SYT16: variants seen among roughly 807,000 people sequenced by gnomAD.
SYT16 encodes synaptotagmin 16, also known as synaptotagmin-16.
SYT16 carries 42 observed loss-of-function variants against 61.4 expected under a neutral mutation model. That is an observed-to-expected ratio of 0.68 (90% CI 0.53 to 0.89). SYT16 has a LOEUF of 0.89. SYT16 is among the 40% of genes least tolerant of loss of function. The probability of loss-of-function intolerance (pLI) is 0.00; values close to 1 mark genes in which losing one functional copy is unlikely to be tolerated. For synonymous variants in SYT16, 314 were observed against 302.3 expected (o/e 1.04, Z -0.40); for missense variants, 804 against 807.3 (o/e 1.00, Z 0.05).
intron 2 of SYT16, among the ~76,000 whole-genome samples, chr14:61,993,239 A>T (rs2052628905): frequency 6.6e-6 from 1 of 151,752 alleles, no homozygotes; most frequent in African/African-American, 2.4e-5. Context: ...CAGGAAGGGG[A>T]ACATCACACA....
intron 1 of SYT16, among the ~76,000 whole-genome samples, chr14:61,935,736 A>G (rs573309753): frequency 6.6e-6 from 1 of 152,138 alleles, no homozygotes; most frequent in Non-Finnish European, 1.5e-5. Context: ...AGTTAGAAGG[A>G]TGTTTCTGGT....
intron 3 of SYT16, among the ~76,000 whole-genome samples, chr14:62,004,784 A>C (rs1384984320): frequency 6.6e-6 from 1 of 152,182 alleles, no homozygotes; most frequent in African/African-American, 2.4e-5. Context: ...TTGACCCTTG[A>C]AGAGGTGCTC....
chr14:61,829,856 G>A (rs1176508005), intron 1 of SYT16, among the ~76,000 whole-genome samples: 2 of 151,916 alleles, frequency 1.3e-5, no homozygotes, highest in Admixed American at 6.6e-5. Context: ...GGGTTTCACC[G>A]TGTTAGCCAG....
intron 1 of SYT16, among the ~76,000 whole-genome samples, chr14:61,942,163 G>A (rs2050236543): frequency 6.6e-6 from 1 of 152,194 alleles, no homozygotes; most frequent in African/African-American, 2.4e-5. Flanking sequence ...CAAGTTGTTG[G>A]AGTGATTCTT....
chr14:61,837,124 A>C (rs72716760), intron 1 of SYT16, among the ~76,000 whole-genome samples: 16,759 of 152,090 alleles, frequency 0.11, 948 homozygotes, highest in African/African-American at 0.13. Flanking sequence ...GGGGTTTCAA[A>C]TGATACCTCT....
intron 3 of SYT16, among the ~76,000 whole-genome samples, chr14:62,029,793 G>A (rs2054245129): frequency 6.6e-6 from 1 of 150,868 alleles, no homozygotes; most frequent in East Asian, 1.9e-4. Flanking sequence ...AAAAAAAAAA[G>A]TAGTAGGAGG....
intron 7 of SYT16, among the ~76,000 whole-genome samples, chr14:62,094,241 G>A (rs546975307): frequency 6.6e-6 from 1 of 152,120 alleles, no homozygotes; most frequent in African/African-American, 2.4e-5. Context: ...CTGGGCCTTT[G>A]TGGCTCAAAG....
At chr14:62,077,770 C>T (rs2056548156) in intron 5 of SYT16, 1 of 152,174 alleles carries the variant, frequency 6.6e-6, no homozygotes, top group Non-Finnish European at 1.5e-5. Context: ...CTACAAAGCC[C>T]AGTTTTCATG....
intron 1 of SYT16, among the ~76,000 whole-genome samples, chr14:61,818,672 T>G: frequency 7.0e-6 from 1 of 142,718 alleles, no homozygotes; most frequent in Admixed American, 7.0e-5. Context: ...AGTGAGACTC[T>G]GTCTCAAAAA....
rs1445585886 is a variant in SYT16 at position 62,109,448 on chromosome 14, T to A, written c.*8741T>A. The A allele has an allele frequency of 6.6e-6, 1 of 152,204 alleles. No individual in the cohort carries two copies. Among genetic ancestry groups the A allele is most frequent in the Non-Finnish European group, 1.5e-5 (1 of 68,032 alleles). The allele number at this position is 152,204 out of a possible 1,614,324, so 9.4% of individuals were successfully genotyped here. A position where few individuals can be genotyped will look rare whatever the true frequency, so the allele number is the denominator to read the frequency against. Reference sequence around the variant, plus strand: ...TTCTAGTTCCAGTTGCTATGGCAAATTTTATTAAAGTGCGTGCTCTCAGGA... The same window carrying A: ...TTCTAGTTCCAGTTGCTATGGCAAAATTTATTAAAGTGCGTGCTCTCAGGA... On this transcript the variant is annotated 3_prime_UTR_variant, in exon 8 of 8. Transcript: ENST00000683842.
Position 62,106,923 on chromosome 14 carries a change from C to G in SYT16, c.*6216C>G, listed in dbSNP as rs1461978257. 1 of 152,134 alleles carries G rather than the reference C, an allele frequency of 6.6e-6. No homozygotes were observed. Among genetic ancestry groups the G allele is most frequent in the Non-Finnish European group, 1.5e-5 (1 of 68,036 alleles). The allele number at this position is 152,134 out of a possible 1,614,324, so 9.4% of individuals were successfully genotyped here. A position where few individuals can be genotyped will look rare whatever the true frequency, so the allele number is the denominator to read the frequency against. On this transcript the variant is annotated 3_prime_UTR_variant, in exon 8 of 8. Coordinates refer to ENST00000683842, the MANE Select transcript of SYT16 (RefSeq NM_001367656.1). ...AAGCCGCTAACTTGCTAACTGCTTT[C>G]CATTGCTCACTAATGCTGCCTTAAG...
chr14:61,851,533 TAA>T (rs1462643580), intron 1 of SYT16, among the ~76,000 whole-genome samples: 1 of 152,212 alleles, frequency 6.6e-6, no homozygotes, highest in African/African-American at 2.4e-5. Context: ...ACCAGTAGTG[TAA>T]AAGCATCCCT....
At position 62,105,291 on chromosome 14, in the gene SYT16, G is replaced by C. The variant is rs1008593347; in HGVS notation, c.*4584G>C. 1 of 152,068 alleles carries C rather than the reference G, an allele frequency of 6.6e-6. No homozygotes were observed. The highest frequency in any genetic ancestry group is 1.5e-5 in the Non-Finnish European group (1 of 68,018). 9.4% of individuals were successfully genotyped at this position (152,068 alleles called of 1,614,324 possible). A position where few individuals can be genotyped will look rare whatever the true frequency, so the allele number is the denominator to read the frequency against. The stretch of plus-strand genomic sequence containing the variant: ...TCATAAATGGACAAGGCATCTTGTC[G>C]CCTTTATCAAAAGAGTTGGTGACAA... On this transcript the variant is annotated 3_prime_UTR_variant, in exon 8 of 8. Transcript: ENST00000683842.
intron 1 of SYT16, among the ~76,000 whole-genome samples, chr14:61,945,133 A>G (rs1220346064): frequency 6.6e-6 from 1 of 152,260 alleles, no homozygotes; most frequent in African/African-American, 2.4e-5. Context: ...CATATGAAAG[A>G]AAGCTCATCA....
At chr14:61,981,190 T>C (rs1889804) in intron 2 of SYT16, among the ~76,000 whole-genome samples, 83,579 of 151,944 alleles carry the variant, frequency 0.55, 23,777 homozygotes, top group East Asian at 0.76. Flanking sequence ...GAGGCCCACC[T>C]ACATTATGGA....
chr14:62,079,649 A>C (rs1449718485), intron 5 of SYT16, among the ~76,000 whole-genome samples: 1 of 152,260 alleles, frequency 6.6e-6, no homozygotes, highest in African/African-American at 2.4e-5. Flanking sequence ...TAAATTAGCA[A>C]GTTCTGGTGT....
chr14:62,090,181 A>G lies in SYT16; in HGVS notation c.1624+5796A>G, dbSNP rs927703822. ...GTCTCCTTCTACAGTGTATTACTGC[A>G]TTGTGTTTATATGTGTATATGTACA... On this transcript the variant is annotated intron_variant, in intron 7 of 7. Transcript: ENST00000683842. 2.6e-5 allele frequency among the ~76,000 whole-genome samples: 4 copies of G among 152,316 alleles called. No individual in the cohort carries two copies. In the South Asian group the frequency reaches 8.3e-4, roughly 32 times the overall value.
intron 1 of SYT16, among the ~76,000 whole-genome samples, chr14:61,937,870 T>A (rs1030139402): frequency 1.3e-5 from 2 of 152,090 alleles, no homozygotes; most frequent in Non-Finnish European, 2.9e-5. Flanking sequence ...TGTCTATGTG[T>A]CAATCACACA....
rs538209206 is a variant in SYT16, at chr14:61,912,766, C to G, written c.-324-57366C>G. On this transcript the variant is annotated intron_variant, in intron 1 of 7. Transcript: ENST00000683842. Reference sequence around the variant, plus strand: ...TCATCTCTCCATCAAACATATCATTCCCCCACATACAAAACATTAAAGGAG... The same window carrying G: ...TCATCTCTCCATCAAACATATCATTGCCCCACATACAAAACATTAAAGGAG... Among the ~76,000 whole-genome samples, 9 of 152,212 alleles carry G rather than the reference C, an allele frequency of 5.9e-5. No homozygotes were observed. In the East Asian group the frequency reaches 1.7e-3, roughly 29 times the overall value.
Sources: allele counts gnomAD v4.1 joint callset (sites outside exome capture counted in the v4.1 genomes callset), GRCh38; gene constraint gnomAD v4.1.1; transcripts MANE v1.5; gene names NCBI Gene and HGNC (gene_info 2026-07-23, HGNC 2026-07-21).